RBFOX1: variants seen among roughly 807,000 people sequenced by gnomAD.
The protein encoded by RBFOX1 is RNA binding fox-1 homolog 1.
A neutral mutation model predicts 57.7 loss-of-function variants in RBFOX1; 8 were observed. The ratio of observed to expected loss-of-function variants is 0.14; its 90% CI spans 0.08 to 0.25. The LOEUF is 0.25. Ranked by LOEUF, RBFOX1 falls within the 10% of genes least tolerant of loss-of-function variation. The pLI is 1.00. For synonymous variants in RBFOX1, 326 were observed against 222.4 expected, an observed-to-expected ratio of 1.47 and a Z score of -4.15; for missense variants, 611 against 548.5, an observed-to-expected ratio of 1.11 and a Z score of -1.14.
chr16:6,462,868 T>C (rs191069700), intron 2 of RBFOX1, among the ~76,000 whole-genome samples: 5 of 152,348 alleles, frequency 3.3e-5, no homozygotes, highest in African/African-American at 1.2e-4. Context: ...ACAAAATCTT[T>C]CCTCTTATAG....
At chr16:6,542,637 C>T (rs2096838904) in intron 2 of RBFOX1, among the ~76,000 whole-genome samples, 1 of 151,656 alleles carries the variant, frequency 6.6e-6, no homozygotes, top group South Asian at 2.1e-4. Context: ...CCACAGGCGC[C>T]CGCCACCATG....
At chr16:6,703,367 G>A (rs998450529) in intron 3 of RBFOX1, among the ~76,000 whole-genome samples, 2 of 151,768 alleles carry the variant, frequency 1.3e-5, no homozygotes, top group Non-Finnish European at 2.9e-5. Flanking sequence ...TGAGCCCAGG[G>A]GTTTGAGGCC....
At chr16:6,925,926 A>G (rs966452260) in intron 3 of RBFOX1, among the ~76,000 whole-genome samples, 6 of 152,198 alleles carry the variant, frequency 3.9e-5, no homozygotes, top group Non-Finnish European at 7.4e-5. Context: ...TACTTTTGCA[A>G]TTAATTTATT....
intron 1 of RBFOX1, among the ~76,000 whole-genome samples, chr16:5,428,985 C>T (rs1382313908): frequency 1.3e-5 from 2 of 152,098 alleles, no homozygotes; most frequent in African/African-American, 4.8e-5. Context: ...CCTAACAACC[C>T]TCCGACCTGT....
chr16:5,890,362 C>T (rs111595984), intron 4 of RBFOX1, among the ~76,000 whole-genome samples: 15 of 152,212 alleles, frequency 9.9e-5, no homozygotes, highest in Admixed American at 8.5e-4. Context: ...GCTGAGTAAA[C>T]GGAGGTGCTG....
In RBFOX1 at chr16:6,019,721, C is replaced by T; in HGVS notation, c.-398C>T. 5 of 1,371,008 alleles carry T rather than the reference C, an allele frequency of 3.6e-6. No homozygotes were observed. Among genetic ancestry groups the T allele is most frequent in the Non-Finnish European group, 3.8e-6 (4 of 1,062,020 alleles). The allele number at this position is 1,371,008 out of a possible 1,614,324, so 84.9% of individuals were successfully genotyped here. A position where few individuals can be genotyped will look rare whatever the true frequency, so the allele number is the denominator to read the frequency against. On this transcript the variant is annotated 5_prime_UTR_variant, in exon 1 of 16. Coordinates refer to ENST00000550418, the MANE Select transcript of RBFOX1 (RefSeq NM_018723.4). This position sits in a 1 kb window ranked among gnomAD's most constrained non-coding sequence, Gnocchi z 4.2. The stretch of plus-strand genomic sequence containing the variant: ...CCCAGGCAGAGAGAGCAGGAGCGGA[C>T]CGCGCGCCCGGGATTGAGAGTCCTT...
intron 1 of RBFOX1, among the ~76,000 whole-genome samples, chr16:6,080,907 G>A (rs2095991265): frequency 6.6e-6 from 1 of 152,138 alleles, no homozygotes; most frequent in Admixed American, 6.6e-5. Context: ...TATTTGAAGA[G>A]AAAATCAAAG....
intron 4 of RBFOX1, among the ~76,000 whole-genome samples, chr16:7,079,069 C>T (rs560504856): frequency 6.6e-6 from 1 of 151,686 alleles, no homozygotes; most frequent in East Asian, 1.9e-4. Context: ...TCATGACAGC[C>T]TGAAGTCTTT....
chr16:6,436,488 G>A (rs2094237497), intron 2 of RBFOX1, among the ~76,000 whole-genome samples: 1 of 142,074 alleles, frequency 7.0e-6, no homozygotes, highest in Non-Finnish European at 1.5e-5. Context: ...AATTTTGACA[G>A]TATCCTGCCT....
intron 4 of RBFOX1, among the ~76,000 whole-genome samples, chr16:7,065,011 G>A (rs1341232584): frequency 6.6e-6 from 1 of 152,148 alleles, no homozygotes; most frequent in African/African-American, 2.4e-5. Flanking sequence ...TCAGATGGAC[G>A]CAGCAATCCT....
At chr16:6,404,819 T>C (rs2093216506) in intron 2 of RBFOX1, among the ~76,000 whole-genome samples, 1 of 152,138 alleles carries the variant, frequency 6.6e-6, no homozygotes, top group Non-Finnish European at 1.5e-5. Context: ...ACATGAAGCA[T>C]TTTGGTGCAG....
In RBFOX1 at chr16:7,346,586, G is replaced by C. The variant is rs560352871; in HGVS notation, c.28-171561G>C. Among the ~76,000 whole-genome samples the C allele has an allele frequency of 5.9e-4, 89 of 151,740 alleles. 1 individual carries two copies. Among genetic ancestry groups the C allele is most frequent in the Non-Finnish European group, 7.4e-5 (5 of 67,934 alleles). ...CTCTGCCATCCTGGTTTACTCTATA[G>C]AAGTCTCGTTGCTGACACATCATGG... is the stretch of plus-strand genomic sequence containing the variant. On this transcript the variant is annotated intron_variant, in intron 4 of 15. Coordinates refer to ENST00000550418, the MANE Select transcript of RBFOX1 (RefSeq NM_018723.4).
chr16:6,618,788 C>A (rs568337120), intron 2 of RBFOX1, among the ~76,000 whole-genome samples: 163 of 152,284 alleles, frequency 1.1e-3, no homozygotes, highest in African/African-American at 3.9e-3. Flanking sequence ...AACACAGTGT[C>A]CTTGGAGTCC....
chr16:7,288,001 G>C (rs777439140), intron 4 of RBFOX1, among the ~76,000 whole-genome samples: 3 of 152,094 alleles, frequency 2.0e-5, no homozygotes, highest in Admixed American at 6.6e-5. Flanking sequence ...AACCAATCTC[G>C]TGTGTATTTG....
intron 3 of RBFOX1, among the ~76,000 whole-genome samples, chr16:5,657,816 T>G (rs569163918): frequency 6.9e-6 from 1 of 144,582 alleles, no homozygotes; most frequent in South Asian, 2.2e-4. Context: ...CACTGTAACC[T>G]TCACCTCCCA....
chr16:6,931,342 C>T (rs115429739), intron 3 of RBFOX1, among the ~76,000 whole-genome samples: 15,322 of 108,892 alleles, frequency 0.14, 950 homozygotes, highest in East Asian at 0.29. Context: ...TCTATCTCTA[C>T]ACACACACAC....
At chr16:5,682,573 C>T (rs2050374099) in intron 3 of RBFOX1, among the ~76,000 whole-genome samples, 1 of 152,116 alleles carries the variant, frequency 6.6e-6, no homozygotes, top group Admixed American at 6.5e-5. Context: ...ACTTTAAATC[C>T]TTGTGAACCT....
intron 2 of RBFOX1, chr16:6,483,074 A>C (rs555610345): frequency 3.9e-5 from 37 of 940,884 alleles, no homozygotes; most frequent in Non-Finnish European, 4.7e-5. Context: ...GGAGCTTTGC[A>C]AGTGCCTCCG....
At position 5,903,933 on chromosome 16, in the gene RBFOX1, G is replaced by A. The variant is rs551588681; in HGVS notation, c.351+36598G>A. Among the ~76,000 whole-genome samples, 11 of 152,244 alleles carry A rather than the reference G, an allele frequency of 7.2e-5. No homozygotes were observed. The South Asian group carries it at 2.3e-3, about 32-fold the overall frequency. On this transcript the variant is annotated intron_variant, in intron 4 of 19. Transcript: ENST00000641259. The stretch of plus-strand genomic sequence containing the variant: ...TCTGTCTTTGCTGAGGGAAGCTGGT[G>A]GAGGCACGTTTTCCTCTAAGCTGGG...
Sources: allele counts gnomAD v4.1 joint callset (sites outside exome capture counted in the v4.1 genomes callset), GRCh38; gene constraint gnomAD v4.1.1; non-coding constraint Gnocchi (gnomAD v3.1); transcripts MANE v1.5; gene names NCBI Gene and HGNC (gene_info 2026-07-23, HGNC 2026-07-21).